FSHR: variants seen among roughly 807,000 people sequenced by gnomAD.
FSHR encodes follicle stimulating hormone receptor, also known as follicle-stimulating hormone receptor.
Under a neutral mutation model 52.1 loss-of-function variants are expected in FSHR, and 46 were observed. The ratio of observed to expected loss-of-function variants is 0.88; its 90% CI spans 0.70 to 1.13. The LOEUF is 1.13. FSHR is among the 50% of genes most tolerant of loss of function. The pLI, the probability that FSHR is intolerant of heterozygous loss-of-function variation, is 0.00. For missense variants in FSHR, 964 were observed against 834.6 expected (o/e 1.16, Z -1.91); for synonymous variants, 399 against 309.6 (o/e 1.29, Z -3.03).
Position 48,967,345 on chromosome 2 carries a change from C to T in FSHR, c.854+1353G>A, listed in dbSNP as rs554144652. Among the ~76,000 whole-genome samples, 23 of 152,264 alleles carry T rather than the reference C, an allele frequency of 1.5e-4. 1 individual carries two copies. In the East Asian group the frequency reaches 2.9e-3, roughly 19 times the overall value. Reference sequence around the variant, plus strand: ...AACTCCTGGGCTCAAGGAGTTATTCCGCCTTGGCCTCCCAAAGTGCTGGGG... The same window carrying T: ...AACTCCTGGGCTCAAGGAGTTATTCTGCCTTGGCCTCCCAAAGTGCTGGGG... On this transcript the variant is annotated intron_variant, in intron 9 of 9. Coordinates refer to ENST00000406846, the MANE Select transcript of FSHR (RefSeq NM_000145.4).
intron 1 of FSHR, among the ~76,000 whole-genome samples, chr2:49,152,826 A>C (rs1310907110): frequency 6.6e-6 from 1 of 152,210 alleles, no homozygotes; most frequent in Non-Finnish European, 1.5e-5. Context: ...GAAATGAGGA[A>C]CTTGAGGCTC....
chr2:49,154,220 C>A (rs199766468), intron 1 of FSHR, 46 bp downstream of exon 1: 4 of 1,586,898 alleles, frequency 2.5e-6, no homozygotes, highest in Non-Finnish European at 3.5e-6. Flanking sequence ...GTACGCAATG[C>A]ACAAATGCCA....
intron 6 of FSHR, among the ~76,000 whole-genome samples, chr2:48,987,868 A>C (rs1675589521): frequency 6.7e-6 from 1 of 150,232 alleles, no homozygotes; most frequent in South Asian, 2.1e-4. Flanking sequence ...ACACACACAC[A>C]CACCCCTTCA....
chr2:49,012,438 C>T (rs1466830324), intron 4 of FSHR, among the ~76,000 whole-genome samples: 2 of 151,926 alleles, frequency 1.3e-5, no homozygotes, highest in African/African-American at 2.4e-5. Flanking sequence ...CTTAAGGTTC[C>T]TCAGTGAAGC....
chr2:49,126,750 G>A (rs1451926706), intron 1 of FSHR, among the ~76,000 whole-genome samples: 2 of 152,174 alleles, frequency 1.3e-5, no homozygotes, highest in Non-Finnish European at 2.9e-5. Context: ...GTAATGATGT[G>A]CTCTTCGTAC....
intron 1 of FSHR, among the ~76,000 whole-genome samples, chr2:49,069,760 G>C (rs963181088): frequency 2.0e-5 from 3 of 152,040 alleles, no homozygotes; most frequent in African/African-American, 7.2e-5. Flanking sequence ...TCTTTCCCCA[G>C]CCTTCTTCTC....
intron 1 of FSHR, among the ~76,000 whole-genome samples, chr2:49,076,590 G>T (rs979139910): frequency 1.3e-5 from 2 of 151,968 alleles, no homozygotes; most frequent in African/African-American, 4.8e-5. Context: ...AACTAATTAT[G>T]CCTTCCCTAC....
intron 8 of FSHR, among the ~76,000 whole-genome samples, chr2:48,980,523 T>C (rs1675199324): frequency 6.6e-6 from 1 of 152,188 alleles, no homozygotes; most frequent in Admixed American, 6.5e-5. Context: ...GCCTGGAATC[T>C]GCTTGTGCAA....
chr2:49,141,033 G>C (rs17824954), intron 1 of FSHR, among the ~76,000 whole-genome samples: 6 of 152,156 alleles, frequency 3.9e-5, no homozygotes, highest in Non-Finnish European at 8.8e-5. Context: ...GCAAAATAAA[G>C]TTGGAGCCAG....
At position 49,021,874 on chromosome 2, in the gene FSHR, T is replaced by TAC. The variant is rs1667724229; in HGVS notation, c.225-1715_225-1714insGT. ...CTCTCTCTCTCTCTCTATATATATA[T>TAC]ATATATATATATAGAGAGAGAGAGA... is the stretch of plus-strand genomic sequence containing the variant. On this transcript the variant is annotated intron_variant, in intron 2 of 9. Coordinates refer to ENST00000406846, the MANE Select transcript of FSHR (RefSeq NM_000145.4). 3.5e-5 allele frequency among the ~76,000 whole-genome samples: 2 copies of TAC among 56,784 alleles called. 1 individual carries two copies. Among genetic ancestry groups the TAC allele is most frequent in the Admixed American group, 4.4e-4 (2 of 4,516 alleles). 37.3% of individuals were successfully genotyped at this position (56,784 alleles called of 152,430 possible). A position where few individuals can be genotyped will look rare whatever the true frequency, so the allele number is the denominator to read the frequency against.
At chr2:49,116,633 T>A (rs1368425548) in intron 1 of FSHR, among the ~76,000 whole-genome samples, 2 of 152,218 alleles carry the variant, frequency 1.3e-5, no homozygotes, top group African/African-American at 4.8e-5. Flanking sequence ...AGCTAGAATG[T>A]TTCTTAACCT....
At chr2:49,086,005 C>T (rs1392903474) in intron 1 of FSHR, among the ~76,000 whole-genome samples, 1 of 151,854 alleles carries the variant, frequency 6.6e-6, no homozygotes, top group Non-Finnish European at 1.5e-5. Context: ...GGAGATATAC[C>T]TAATGCTAAA....
chr2:49,057,203 A>G (rs1291333668), intron 2 of FSHR, among the ~76,000 whole-genome samples: 1 of 152,142 alleles, frequency 6.6e-6, no homozygotes, highest in Non-Finnish European at 1.5e-5. Context: ...TAAAATAATA[A>G]CACAAGAGAT....
chr2:49,085,677 G>T (rs1184825614), intron 1 of FSHR, among the ~76,000 whole-genome samples: 2 of 151,006 alleles, frequency 1.3e-5, no homozygotes, highest in African/African-American at 4.9e-5. Context: ...ATGTTTATTG[G>T]GGCACTATTC....
chr2:48,982,528 C>T (rs1188703101), intron 8 of FSHR, among the ~76,000 whole-genome samples: 2 of 152,108 alleles, frequency 1.3e-5, no homozygotes, highest in Non-Finnish European at 2.9e-5. Context: ...GTTTAAATCC[C>T]TGCTGTAACT....
At chr2:49,051,466 C>G (rs941953530) in intron 2 of FSHR, among the ~76,000 whole-genome samples, 1 of 152,016 alleles carries the variant, frequency 6.6e-6, no homozygotes, top group Admixed American at 6.6e-5. Flanking sequence ...ATGCTTATTG[C>G]CGATTCGTGT....
chr2:49,121,322 A>G (rs1671810076), intron 1 of FSHR, among the ~76,000 whole-genome samples: 1 of 152,214 alleles, frequency 6.6e-6, no homozygotes, highest in South Asian at 2.1e-4. Context: ...TCTTCAGTAC[A>G]AAATAATAAC....
chr2:48,991,391 A>T (rs534259584), intron 4 of FSHR, among the ~76,000 whole-genome samples: 1 of 152,224 alleles, frequency 6.6e-6, no homozygotes, highest in Admixed American at 6.5e-5. Context: ...AATCCCAAGG[A>T]CTTGAGTTAG....
At chr2:49,081,285 C>G (rs1007941177) in intron 1 of FSHR, among the ~76,000 whole-genome samples, 1 of 151,856 alleles carries the variant, frequency 6.6e-6, no homozygotes, top group African/African-American at 2.4e-5. Flanking sequence ...ATGATCAACA[C>G]CAAAATCAGT....
Sources: gnomAD v4.1 joint callset for allele counts (sites outside exome capture counted in the v4.1 genomes callset) on GRCh38, gnomAD v4.1.1 for gene constraint, MANE v1.5 for transcripts, NCBI Gene and HGNC (gene_info 2026-07-23, HGNC 2026-07-21) for gene names.